The following ENAH variants were observed in gnomAD, a reference collection of about 807,000 sequenced individuals.
ENAH encodes protein enabled homolog.
A neutral mutation model predicts 78.7 loss-of-function variants in ENAH; 23 were observed. The ratio of observed to expected loss-of-function variants is 0.29; its 90% CI spans 0.21 to 0.41. ENAH has a LOEUF of 0.41. ENAH is among the 10% of genes least tolerant of loss of function. The pLI, the probability that ENAH is intolerant of heterozygous loss-of-function variation, is 1.00. For synonymous variants in ENAH, 226 were observed against 241.0 expected, an observed-to-expected ratio of 0.94 and a Z score of 0.58; for missense variants, 544 against 691.0, an observed-to-expected ratio of 0.79 and a Z score of 2.39.
chr1:225,536,788 AT>A (rs956296567), intron 3 of ENAH, among the ~76,000 whole-genome samples: 4 of 151,516 alleles, frequency 2.6e-5, no homozygotes, highest in Non-Finnish European at 5.9e-5. Context: ...CATACACTGT[AT>A]TTTTTTTGCA....
intron 1 of ENAH, among the ~76,000 whole-genome samples, chr1:225,626,943 G>A (rs1055270306): frequency 6.6e-6 from 1 of 152,152 alleles, no homozygotes; most frequent in Non-Finnish European, 1.5e-5. Flanking sequence ...CTGAGAAAGA[G>A]GAATGGTATT....
intron 10 of ENAH, among the ~76,000 whole-genome samples, chr1:225,511,233 A>G (rs2096374862): frequency 6.6e-6 from 1 of 152,220 alleles, no homozygotes; most frequent in Non-Finnish European, 1.5e-5. Context: ...TCAAATATGA[A>G]GAAATAACAT....
intron 1 of ENAH, among the ~76,000 whole-genome samples, chr1:225,602,463 G>GT (rs35099051): frequency 2.6e-5 from 4 of 152,096 alleles, no homozygotes; most frequent in South Asian, 2.1e-4. Flanking sequence ...ATCCAACAGT[G>GT]TTTTTTTGTT....
intron 1 of ENAH, among the ~76,000 whole-genome samples, chr1:225,618,915 A>G (rs1656296772): frequency 6.6e-6 from 1 of 152,170 alleles, no homozygotes; most frequent in South Asian, 2.1e-4. Flanking sequence ...GGAGAGAGAG[A>G]AGGCCTACTT....
At chr1:225,603,400 T>G (rs1372295773) in intron 1 of ENAH, among the ~76,000 whole-genome samples, 2 of 152,166 alleles carry the variant, frequency 1.3e-5, no homozygotes, top group Non-Finnish European at 2.9e-5. Flanking sequence ...TATGGTAATT[T>G]GCAGCTTCTA....
At chr1:225,591,719 C>T (rs1287680087) in intron 1 of ENAH, among the ~76,000 whole-genome samples, 8 of 132,842 alleles carry the variant, frequency 6.0e-5, no homozygotes, top group Non-Finnish European at 1.1e-4. Context: ...GAGCCGAGAT[C>T]GCGTCACTGC....
chr1:225,633,970 A>G (rs1659591780), intron 1 of ENAH, among the ~76,000 whole-genome samples: 1 of 152,244 alleles, frequency 6.6e-6, no homozygotes, highest in South Asian at 2.1e-4. Context: ...ATCTTTAAAA[A>G]TAAGTTTATT....
At chr1:225,641,359 G>GC (rs11373554) in intron 1 of ENAH, among the ~76,000 whole-genome samples, 36,380 of 148,960 alleles carry the variant, frequency 0.24, 4,511 homozygotes, top group South Asian at 0.43. Flanking sequence ...TAGAAACTAA[G>GC]CCAAGCACTG....
intron 1 of ENAH, among the ~76,000 whole-genome samples, chr1:225,605,780 TAAG>T (rs1436282648): frequency 2.6e-5 from 4 of 152,068 alleles, no homozygotes; most frequent in African/African-American, 7.2e-5. Context: ...GGTGCCCTTA[TAAG>T]AAGATTAGGA....
rs1305908370 is a variant in ENAH, at chr1:225,586,160, AT to A, written c.6-18747del. Among the ~76,000 whole-genome samples the A allele has an allele frequency of 3.3e-5, 5 of 150,292 alleles. No homozygotes were observed. In the East Asian group the frequency reaches 1.0e-3, roughly 30 times the overall value. On this transcript the variant is annotated intron_variant, in intron 1 of 13. Coordinates refer to ENST00000366843, the MANE Select transcript of ENAH (RefSeq NM_018212.6). ...GAGCCAAGGAACTCAAGGCTGAGGC[AT>A]AAGAATCGTTTGAACCCGGAAGGCG...
intron 1 of ENAH, among the ~76,000 whole-genome samples, chr1:225,582,630 G>T (rs182394292): frequency 1.5e-4 from 23 of 152,264 alleles, no homozygotes; most frequent in Admixed American, 1.4e-3. Context: ...TGGGCAGGAA[G>T]GAACCCCAAA....
rs543913091 is a variant in ENAH, at chr1:225,652,871, G to T, written c.-181C>A. ...CGCACAAAGCCGAGGCGCCGGCCGG[G>T]AGTGTGGGAGAAGAGGGCGAGAGAA... On this transcript the variant is annotated 5_prime_UTR_variant, in exon 1 of 14. Coordinates refer to ENST00000366843, the MANE Select transcript of ENAH (RefSeq NM_018212.6). 16 of 415,832 alleles carry T rather than the reference G, an allele frequency of 3.8e-5. No individual in the cohort carries two copies. In the South Asian group the frequency reaches 1.6e-3, roughly 42 times the overall value. The allele number at this position is 415,832 out of a possible 1,614,324, so 25.8% of individuals were successfully genotyped here.
chr1:225,581,729 C>T (rs888968340), intron 1 of ENAH, among the ~76,000 whole-genome samples: 3 of 151,918 alleles, frequency 2.0e-5, no homozygotes, highest in Admixed American at 6.6e-5. Context: ...GGTTTCACTC[C>T]GTCACCCAGG....
chr1:225,615,795 C>G (rs1248128550), intron 1 of ENAH, among the ~76,000 whole-genome samples: 1 of 149,334 alleles, frequency 6.7e-6, no homozygotes, highest in Non-Finnish European at 1.5e-5. Flanking sequence ...AGTGAGGAGC[C>G]CCTCTGCCCG....
rs554870903 is a variant in ENAH, at chr1:225,521,920, C to T, written c.435-2355G>A. Among the ~76,000 whole-genome samples, 26 of 152,076 alleles carry T rather than the reference C, an allele frequency of 1.7e-4. No homozygotes were observed. The East Asian group carries it at 3.3e-3, about 19-fold the overall frequency. On this transcript the variant is annotated intron_variant, in intron 4 of 13. Transcript: ENST00000366843. ...ACACCATTCTCTTGCCTCAGCCTCC[C>T]GAGTAGCTGGGACTACAGGTGCCCG...
rs190760292 is a variant in ENAH at position 225,489,481 on chromosome 1, C to G, written c.*8294G>C. The G allele has an allele frequency of 3.3e-5, 5 of 152,080 alleles. No individual in the cohort carries two copies. The highest frequency in any genetic ancestry group is 2.6e-4 in the Admixed American group (4 of 15,260). 9.4% of individuals were successfully genotyped at this position (152,080 alleles called of 1,614,324 possible). A position where few individuals can be genotyped will look rare whatever the true frequency, so the allele number is the denominator to read the frequency against. On this transcript the variant is annotated 3_prime_UTR_variant, in exon 14 of 14. Coordinates refer to ENST00000366843, the MANE Select transcript of ENAH (RefSeq NM_018212.6). ...GGATGCATGCTGTCCAGTGCAATAGCGTCTATGACTATAAAACAACTAAAA... is the reference window on the plus strand; with the variant it reads ...GGATGCATGCTGTCCAGTGCAATAGGGTCTATGACTATAAAACAACTAAAA...
At chr1:225,567,174 C>T (rs1309918018) in intron 2 of ENAH, 75 bp downstream of exon 2, 11 of 1,512,234 alleles carry the variant, frequency 7.3e-6, no homozygotes, top group South Asian at 2.5e-5. Context: ...TTTAAAACTA[C>T]TTTATTTTAC....
intron 1 of ENAH, among the ~76,000 whole-genome samples, chr1:225,626,733 C>A (rs1055704538): frequency 1.3e-5 from 2 of 152,264 alleles, no homozygotes; most frequent in Non-Finnish European, 2.9e-5. Context: ...CAAGTGACTT[C>A]CATCTTTATC....
At chr1:225,623,810 C>T (rs1263223383) in intron 1 of ENAH, among the ~76,000 whole-genome samples, 3 of 152,070 alleles carry the variant, frequency 2.0e-5, no homozygotes, top group Non-Finnish European at 4.4e-5. Flanking sequence ...AGGATGGTCT[C>T]GCTCTCCTGA....
Sources: allele counts gnomAD v4.1 joint callset (sites outside exome capture counted in the v4.1 genomes callset), GRCh38; gene constraint gnomAD v4.1.1; transcripts MANE v1.5; gene names NCBI Gene and HGNC (gene_info 2026-07-23, HGNC 2026-07-21).